The following NAA35 variants were observed in gnomAD, a reference collection of about 807,000 sequenced individuals.
The protein encoded by NAA35 is MAK10 homolog, amino-acid N-acetyltransferase subunit.
NAA35 carries 18 observed loss-of-function variants against 101.7 expected under a neutral mutation model. The ratio of observed to expected loss-of-function variants is 0.18; its 90% CI spans 0.12 to 0.26. The LOEUF is 0.26. Among genes scored for constraint, NAA35 ranks in the 10% least tolerant of loss-of-function variants. The pLI is 1.00. For synonymous variants in NAA35, 267 were observed against 273.1 expected (o/e 0.98, Z 0.22); for missense variants, 601 against 886.8 (o/e 0.68, Z 4.09).
At chr9:86,002,904 A>G (rs1430425359) in intron 12 of NAA35, among the ~76,000 whole-genome samples, 1 of 152,284 alleles carries the variant, frequency 6.6e-6, no homozygotes, top group East Asian at 1.9e-4. Context: ...TTTGGAGGAC[A>G]TATGACACTC....
chr9:85,973,986 T>C (rs974089715), intron 6 of NAA35, among the ~76,000 whole-genome samples: 6 of 152,020 alleles, frequency 3.9e-5, no homozygotes, highest in African/African-American at 1.4e-4. Context: ...AGGCAGAGTC[T>C]CACTCTGTCG....
chr9:86,017,518 A>T lies in NAA35; in HGVS notation c.1726A>T (p.Ile576Phe). ...TACAGTTCGCCCATTGAGCCGAGAG[A>T]TCACAATGAGCCAAGCATATCAGAA... ...KKKVRPLSRE[I>F]TMSQAYQNMC... The change falls in exon 19 of 23, where the codon ATC (isoleucine) becomes TTC (phenylalanine). Residue 576 changes from isoleucine to phenylalanine, a missense_variant. Ile to Phe is a conservative substitution (Grantham distance 21, BLOSUM62 0). Around this residue, in one of 8 missense-constraint regions of NAA35, gnomAD observed 99 missense variants for 206.7 expected, o/e 0.48. Transcript: ENST00000361671. 1 of 1,613,862 alleles carries T rather than the reference A, an allele frequency of 6.2e-7. No homozygotes were observed. Among genetic ancestry groups the T allele is most frequent in the African/African-American group, 1.3e-5 (1 of 75,060 alleles).
chr9:85,970,043 A>C (rs1829937838), intron 6 of NAA35, among the ~76,000 whole-genome samples: 2 of 152,188 alleles, frequency 1.3e-5, no homozygotes, highest in Non-Finnish European at 2.9e-5. Flanking sequence ...ATTTTGACGT[A>C]GTCATCACTC....
At chr9:85,982,347 A>G in intron 11 of NAA35, among the ~76,000 whole-genome samples, 1 of 152,088 alleles carries the variant, frequency 6.6e-6, no homozygotes, top group East Asian at 1.9e-4. Flanking sequence ...GAGCAAAAAA[A>G]TCCAGTGAAA....
At chr9:85,987,101 A>G (rs7036187) in intron 11 of NAA35, 4,656 of 152,382 alleles carry the variant, frequency 0.031, 103 homozygotes, top group Middle Eastern at 0.12. Context: ...TGAGGTAGAT[A>G]ATACCAAAAA....
At chr9:85,984,794 T>A (rs915181882) in intron 11 of NAA35, among the ~76,000 whole-genome samples, 1 of 152,164 alleles carries the variant, frequency 6.6e-6, no homozygotes, top group African/African-American at 2.4e-5. Context: ...TCATCAAAGA[T>A]GCTAAGACAA....
At chr9:85,955,073 A>ACCAC (rs1321597780) in intron 2 of NAA35, among the ~76,000 whole-genome samples, 1 of 151,562 alleles carries the variant, frequency 6.6e-6, no homozygotes, top group African/African-American at 2.4e-5. Context: ...ACCCACCACC[A>ACCAC]CACCTGGCTA....
rs150630206 is a variant in NAA35, at chr9:86,009,803, G to T, written c.1224-62G>T. ...TCTCTGTCATTTGGTAGCATCTGCA[G>T]TAATTGCTGCTGCTTTTGTTTGGGC... On this transcript the variant is annotated intron_variant, in intron 14 of 22. Transcript: ENST00000361671. 881 of 1,241,098 alleles carry T rather than the reference G, an allele frequency of 7.1e-4. 6 individuals carry two copies. The African/African-American group carries it at 0.011, about 16-fold the overall frequency. The allele number at this position is 1,241,098 out of a possible 1,614,324, so 76.9% of individuals were successfully genotyped here. A position where few individuals can be genotyped will look rare whatever the true frequency, so the allele number is the denominator to read the frequency against.
rs1564321956 is a variant in NAA35, at chr9:86,007,245, CTT to C, written c.1117-109_1117-108del. Reference sequence around the variant, plus strand: ...GCAACTTATAAAAAATTTTCACAAACTTTTTATATTTTAATCACTTGCGTAGT... The same window carrying C: ...GCAACTTATAAAAAATTTTCACAAACTTTATATTTTAATCACTTGCGTAGT... On this transcript the variant is annotated intron_variant, in intron 13 of 22. Coordinates refer to ENST00000361671, the MANE Select transcript of NAA35 (RefSeq NM_024635.4). 1.9e-5 allele frequency: 13 copies of C among 677,804 alleles called. No individual in the cohort carries two copies. In the South Asian group the frequency reaches 2.0e-4, roughly 10 times the overall value. 42.0% of individuals were successfully genotyped at this position (677,804 alleles called of 1,614,324 possible). A position where few individuals can be genotyped will look rare whatever the true frequency, so the allele number is the denominator to read the frequency against.
At position 85,942,139 on chromosome 9, in the gene NAA35, A is replaced by G; in HGVS notation, c.-5-16A>G. The G allele has an allele frequency of 6.2e-7, 1 of 1,607,884 alleles. No individual in the cohort carries two copies. The highest frequency in any genetic ancestry group is 8.5e-7 in the Non-Finnish European group (1 of 1,178,376). The stretch of plus-strand genomic sequence containing the variant: ...AAAGCTACATCCTCTCTCTTACATC[A>G]GTATTAATTTTACAGGCATAATGGT... On this transcript the variant is annotated splice_polypyrimidine_tract_variant and intron_variant, in intron 1 of 22. Coordinates refer to ENST00000361671, the MANE Select transcript of NAA35 (RefSeq NM_024635.4).
intron 2 of NAA35, among the ~76,000 whole-genome samples, chr9:85,945,663 C>T (rs527658355): frequency 3.3e-5 from 5 of 152,100 alleles, no homozygotes; most frequent in Admixed American, 6.5e-5. Flanking sequence ...GGACTACAGG[C>T]GCCCGTCACC....
intron 11 of NAA35, among the ~76,000 whole-genome samples, chr9:85,995,354 G>A (rs1203088336): frequency 2.0e-5 from 3 of 150,456 alleles, no homozygotes; most frequent in Non-Finnish European, 4.4e-5. Context: ...TTTGAGATGG[G>A]ATTTGGAACT....
In NAA35 at chr9:85,978,400, C is replaced by T. The variant is rs1830303535; in HGVS notation, c.877+19C>T. On this transcript the variant is annotated intron_variant, in intron 11 of 22. Transcript: ENST00000361671. ...AAAGGAGGTAATTGTTCAATTTGCT[C>T]CTACTCTTTCTTTTCTTCGTTTCTA... 1.4e-6 allele frequency: 2 copies of T among 1,476,396 alleles called. No individual in the cohort carries two copies. Among genetic ancestry groups the T allele is most frequent in the Admixed American group, 1.7e-5 (1 of 59,570 alleles). The allele number at this position is 1,476,396 out of a possible 1,614,324, so 91.5% of individuals were successfully genotyped here. A position where few individuals can be genotyped will look rare whatever the true frequency, so the allele number is the denominator to read the frequency against.
At chr9:85,970,186 C>A (rs1829945748) in intron 6 of NAA35, among the ~76,000 whole-genome samples, 1 of 152,162 alleles carries the variant, frequency 6.6e-6, no homozygotes, top group South Asian at 2.1e-4. Context: ...ATGTAAGCCA[C>A]ATGTATAGTT....
At chr9:85,976,779 C>T in intron 9 of NAA35, 44 bp downstream of exon 9, 3 of 1,415,746 alleles carry the variant, frequency 2.1e-6, no homozygotes, top group South Asian at 1.3e-5. Flanking sequence ...GAGAAGTCTA[C>T]CTGTTAATGT....
rs1829283294 is a variant in NAA35, at chr9:85,956,535, A to C, written c.158+142A>C. On this transcript the variant is annotated intron_variant, in intron 3 of 22. Coordinates refer to ENST00000361671, the MANE Select transcript of NAA35 (RefSeq NM_024635.4). ...TAAAACTAATTATAAATATATTTTT[A>C]ACTGTGATGAGCTATTTTGGGGCAG... The C allele has an allele frequency of 6.6e-6, 3 of 453,536 alleles. No homozygotes were observed. The South Asian group carries it at 1.3e-4, about 20-fold the overall frequency. 28.1% of individuals were successfully genotyped at this position (453,536 alleles called of 1,614,324 possible).
At position 85,957,339 on chromosome 9, in the gene NAA35, A is replaced by C. The variant is rs1049302315; in HGVS notation, c.158+946A>C. On this transcript the variant is annotated intron_variant, in intron 3 of 22. Coordinates refer to ENST00000361671, the MANE Select transcript of NAA35 (RefSeq NM_024635.4). Reference sequence around the variant, plus strand: ...TTTCATGTTTGTCATATTCATGTTGAGTAGGCTGAGGAAGGAAGAGGAAGT... The same window carrying C: ...TTTCATGTTTGTCATATTCATGTTGCGTAGGCTGAGGAAGGAAGAGGAAGT... Among the ~76,000 whole-genome samples, 8 of 152,312 alleles carry C rather than the reference A, an allele frequency of 5.3e-5. No individual in the cohort carries two copies. In the South Asian group the frequency reaches 1.7e-3, roughly 32 times the overall value.
rs1202810028 is a variant in NAA35, at chr9:86,023,024, ACT to A, written c.*1067_*1068del. Among the ~76,000 whole-genome samples, 6 of 152,082 alleles carry A rather than the reference ACT, an allele frequency of 3.9e-5. No individual in the cohort carries two copies. The highest frequency in any genetic ancestry group is 8.8e-5 in the Non-Finnish European group (6 of 68,016). ...AGGGTTCTCAGCTTCAAATATCTTA[ACT>A]CTGATTTGGTACCTTTCATAAAAAC... On this transcript the variant is annotated 3_prime_UTR_variant, in exon 23 of 23. Transcript: ENST00000361671.
chr9:85,956,624 T>G (rs1829288394), intron 3 of NAA35, among the ~76,000 whole-genome samples: 1 of 152,210 alleles, frequency 6.6e-6, no homozygotes. Flanking sequence ...GTCCTTTCCT[T>G]GAGAGCAGAT....
Sources: gnomAD v4.1 joint callset for allele counts (sites outside exome capture counted in the v4.1 genomes callset) on GRCh38, gnomAD v4.1.1 for gene constraint, gnomAD v4.1.1 regional missense constraint, MANE v1.5 for transcripts, NCBI Gene and HGNC (gene_info 2026-07-23, HGNC 2026-07-21) for gene names.